The following ATF6 variants were observed in gnomAD, a reference collection of about 807,000 sequenced individuals.
The protein encoded by ATF6 is activating transcription factor 6.
In ATF6, 53 loss-of-function variants were observed where a neutral mutation model predicts 83.6. The observed-to-expected ratio is 0.63, with a 90% CI of 0.51 to 0.80. The LOEUF is 0.80. ATF6 is among the 30% of genes least tolerant of loss of function. ATF6 has a pLI of 0.00. For synonymous variants in ATF6, 288 were observed against 285.8 expected, an observed-to-expected ratio of 1.01 and a Z score of -0.08; for missense variants, 744 against 797.9, an observed-to-expected ratio of 0.93 and a Z score of 0.81.
At chr1:161,864,345 G>T (rs1686947381) in intron 14 of ATF6, among the ~76,000 whole-genome samples, 1 of 152,132 alleles carries the variant, frequency 6.6e-6, no homozygotes, top group African/African-American at 2.4e-5. Flanking sequence ...ATTCCACAGA[G>T]CTAACTGTGG....
In ATF6 at chr1:161,807,863, ATCTTTTTTTTTTTT is replaced by A. The variant is rs1362799948; in HGVS notation, c.909+5593_909+5606del. 5.9e-3 allele frequency among the ~76,000 whole-genome samples: 324 copies of A among 54,794 alleles called. 3 individuals are homozygous for A. The highest frequency in any genetic ancestry group is 0.026 in the African/African-American group (318 of 12,234). 35.9% of individuals were successfully genotyped at this position (54,794 alleles called of 152,430 possible). A position where few individuals can be genotyped will look rare whatever the true frequency, so the allele number is the denominator to read the frequency against. On this transcript the variant is annotated intron_variant, in intron 7 of 15. Coordinates refer to ENST00000367942, the MANE Select transcript of ATF6 (RefSeq NM_007348.4). The stretch of plus-strand genomic sequence containing the variant: ...TACTTTTTGTACTTTTTAGTTTGTC[ATCTTTTTTTTTTTT>A]TTTTTTTTTTTTTTTTTTTTGAGAC...
intron 15 of ATF6, among the ~76,000 whole-genome samples, chr1:161,952,484 T>C (rs1688884764): frequency 6.6e-6 from 1 of 152,096 alleles, no homozygotes; most frequent in Non-Finnish European, 1.5e-5. Flanking sequence ...TTCATCATTC[T>C]CTATAACTTA....
In ATF6 at chr1:161,802,398, T is replaced by C. The variant is rs1206518292; in HGVS notation, c.909+126T>C. 3.8e-6 allele frequency: 3 copies of C among 780,828 alleles called. No individual in the cohort carries two copies. In the African/African-American group the frequency reaches 5.3e-5, roughly 14 times the overall value. 48.4% of individuals were successfully genotyped at this position (780,828 alleles called of 1,614,324 possible). On this transcript the variant is annotated intron_variant, in intron 7 of 15. Transcript: ENST00000367942. ...TCTTATATTGCATCAAATAAAAGAG[T>C]GTGCTGAATTGCACATCTAGTCTTT...
chr1:161,798,879 A>G (rs1241024034), intron 6 of ATF6, among the ~76,000 whole-genome samples: 1 of 152,236 alleles, frequency 6.6e-6, no homozygotes, highest in Non-Finnish European at 1.5e-5. Flanking sequence ...GAGAAATGTA[A>G]ATCAAAACAA....
rs1687131901 is a variant in ATF6 at position 161,871,924 on chromosome 1, A to G, written c.1719+8612A>G. ...CTCTTTGAAGTTACTAAGTGATTCA[A>G]TCTAGTGGAGTCAGTGTATTTTAAG... On this transcript the variant is annotated intron_variant, in intron 14 of 15. Transcript: ENST00000367942. Among the ~76,000 whole-genome samples the G allele has an allele frequency of 1.3e-5, 2 of 151,662 alleles. 1 individual carries two copies. Among genetic ancestry groups the G allele is most frequent in the Middle Eastern group, 6.8e-3 (2 of 294 alleles).
At position 161,819,722 on chromosome 1, in the gene ATF6, G is replaced by A. The variant is rs138069779; in HGVS notation, c.999G>A (p.Gly333=). ...SRKKKKEYML[G]LEARLKAALS... Reference sequence around the variant, plus strand: ...AGAAGAAGAAAGAATATATGCTAGGGTTAGAGGCGAGATTAAAGGCTGCCC... The same window carrying A: ...AGAAGAAGAAAGAATATATGCTAGGATTAGAGGCGAGATTAAAGGCTGCCC... The change falls in exon 8 of 16, where the codon GGG becomes GGA. Residue 333 remains glycine, a synonymous_variant. Transcript: ENST00000367942. 6.2e-7 allele frequency: 1 copy of A among 1,613,216 alleles called. No homozygotes were observed. The highest frequency in any genetic ancestry group is 1.3e-5 in the African/African-American group (1 of 74,816).
chr1:161,835,865 G>A (rs1326680500), intron 9 of ATF6, among the ~76,000 whole-genome samples: 1 of 152,126 alleles, frequency 6.6e-6, no homozygotes. Context: ...AATCATAAAT[G>A]AACATACTAA....
intron 14 of ATF6, among the ~76,000 whole-genome samples, chr1:161,897,838 A>T: frequency 6.6e-6 from 1 of 152,264 alleles, no homozygotes; most frequent in Admixed American, 6.5e-5. Flanking sequence ...TATTAAAATT[A>T]AATTTATATG....
At chr1:161,943,900 T>C (rs1351048931) in intron 15 of ATF6, among the ~76,000 whole-genome samples, 1 of 152,222 alleles carries the variant, frequency 6.6e-6, no homozygotes, top group Non-Finnish European at 1.5e-5. Context: ...TCGCTTACCA[T>C]CTGCTCACTA....
At chr1:161,825,187 G>A (rs1459666980) in intron 9 of ATF6, among the ~76,000 whole-genome samples, 2 of 152,102 alleles carry the variant, frequency 1.3e-5, no homozygotes, top group African/African-American at 2.4e-5. Flanking sequence ...GCAATCCCCC[G>A]ATCCTCAGTC....
In ATF6 at chr1:161,853,260, T is replaced by C. The variant is rs1484101885; in HGVS notation, c.1470T>C (p.His490=). The change falls in exon 12 of 16, where the codon CAT becomes CAC. Residue 490 remains histidine (H), a synonymous_variant. Transcript: ENST00000367942. The part of the protein sequence containing the change: ...NHELRGWVHR[H]EVERTKSRRM... ...AACTTCGAGGATGGGTTCATAGACA[T>C]GAAGTAGAAAGGACCAAGTCAAGAA... 1.2e-6 allele frequency: 2 copies of C among 1,613,558 alleles called. No individual in the cohort carries two copies. The highest frequency in any genetic ancestry group is 1.6e-4 in the Middle Eastern group (1 of 6,082).
chr1:161,819,088 A>G (rs1258006827), intron 7 of ATF6, among the ~76,000 whole-genome samples: 7 of 152,210 alleles, frequency 4.6e-5, no homozygotes, highest in South Asian at 2.1e-4. Context: ...AACATATTCA[A>G]TGAGTGAATG....
intron 14 of ATF6, among the ~76,000 whole-genome samples, chr1:161,905,246 C>T (rs570528450): frequency 6.6e-6 from 1 of 152,240 alleles, no homozygotes; most frequent in South Asian, 2.1e-4. Flanking sequence ...TCCACACAAA[C>T]ACAAGTGGCA....
At chr1:161,927,284 A>C (rs1470316365) in intron 15 of ATF6, among the ~76,000 whole-genome samples, 1 of 152,200 alleles carries the variant, frequency 6.6e-6, no homozygotes, top group Non-Finnish European at 1.5e-5. Context: ...TTTTATTTAA[A>C]TATAAAATGT....
chr1:161,959,905 TTTAGAC>T lies in ATF6; in HGVS notation c.*1255_*1260del, dbSNP rs774567826. The T allele has an allele frequency of 5.3e-5, 8 of 152,194 alleles. No individual in the cohort carries two copies. The highest frequency in any genetic ancestry group is 8.8e-5 in the Non-Finnish European group (6 of 68,034). The allele number at this position is 152,194 out of a possible 1,614,324, so 9.4% of individuals were successfully genotyped here. A position where few individuals can be genotyped will look rare whatever the true frequency, so the allele number is the denominator to read the frequency against. On this transcript the variant is annotated 3_prime_UTR_variant, in exon 16 of 16. Transcript: ENST00000367942. ...TTCAGCTGAGGAATATGGAAGTAAC[TTTAGAC>T]TTAAACAAGACAAAAGTTTTTTCAC... is the stretch of plus-strand genomic sequence containing the variant.
rs1187060683 is a variant in ATF6, at chr1:161,964,040, C to G, written c.*5386C>G. On this transcript the variant is annotated 3_prime_UTR_variant, in exon 16 of 16. Coordinates refer to ENST00000367942, the MANE Select transcript of ATF6 (RefSeq NM_007348.4). ...AGTCTTTATACTACCTGTTATTTCT[C>G]TAAAATTCAAATAAAGAATTTTTAA... 3 of 152,132 alleles carry G rather than the reference C, an allele frequency of 2.0e-5. No homozygotes were observed. The highest frequency in any genetic ancestry group is 2.9e-5 in the Non-Finnish European group (2 of 68,020). 9.4% of individuals were successfully genotyped at this position (152,132 alleles called of 1,614,324 possible).
At chr1:161,910,076 A>G (rs924254059) in intron 14 of ATF6, among the ~76,000 whole-genome samples, 4 of 152,252 alleles carry the variant, frequency 2.6e-5, no homozygotes, top group African/African-American at 9.6e-5. Flanking sequence ...GAACACAGAG[A>G]GAAAGTAATG....
chr1:161,773,122 T>C (rs1684429600), intron 1 of ATF6, among the ~76,000 whole-genome samples: 1 of 151,338 alleles, frequency 6.6e-6, no homozygotes, highest in Non-Finnish European at 1.5e-5. Flanking sequence ...CCTGCCACCA[T>C]GCCCGGCTAC....
At chr1:161,850,417 C>T (rs1004037108) in intron 10 of ATF6, among the ~76,000 whole-genome samples, 2 of 152,124 alleles carry the variant, frequency 1.3e-5, no homozygotes, top group Admixed American at 1.3e-4. Context: ...GGCGTCTTCT[C>T]ATCATTTAGG....
Sources: allele counts gnomAD v4.1 joint callset (sites outside exome capture counted in the v4.1 genomes callset), GRCh38; gene constraint gnomAD v4.1.1; transcripts MANE v1.5; gene names NCBI Gene and HGNC (gene_info 2026-07-23, HGNC 2026-07-21).